Variants in FRMPD4 observed in about 807,000 individuals in gnomAD.
FRMPD4 encodes the protein FERM and PDZ domain-containing protein 4.
In FRMPD4, 22 loss-of-function variants were observed where a neutral mutation model predicts 94.1. That is an observed-to-expected ratio of 0.23 (90% confidence interval 0.17 to 0.33). The LOEUF is 0.33. FRMPD4 is among the 10% of genes least tolerant of loss of function. FRMPD4 has a pLI of 1.00. For missense variants in FRMPD4, 1,111 were observed against 1,339.9 expected, an observed-to-expected ratio of 0.83 and a Z score of 2.67; for synonymous variants, 631 against 548.6, an observed-to-expected ratio of 1.15 and a Z score of -2.10.
chrX:12,383,514 C>G (rs1420209777), intron 1 of FRMPD4, among the ~76,000 whole-genome samples: 1 of 111,286 alleles, frequency 9.0e-6, no homozygotes, highest in East Asian at 2.8e-4. Context: ...AAAATAAAAC[C>G]CTAATCACAT....
intron 1 of FRMPD4, among the ~76,000 whole-genome samples, chrX:12,446,915 T>C (rs1370551622): frequency 9.0e-6 from 1 of 110,968 alleles, no homozygotes; most frequent in Non-Finnish European, 1.9e-5. Flanking sequence ...TGGCGTTTGG[T>C]GGTTGGGGGA....
intron 3 of FRMPD4, among the ~76,000 whole-genome samples, chrX:11,926,995 A>T (rs2054092656): frequency 9.0e-6 from 1 of 111,443 alleles, no homozygotes; most frequent in African/African-American, 3.3e-5. Context: ...TATATCTAGA[A>T]AACCCCATAG....
chrX:11,935,264 A>AT lies in FRMPD4; in HGVS notation c.95+57246_95+57247insT, dbSNP rs2054150300. 6.9e-4 allele frequency among the ~76,000 whole-genome samples: 5 copies of AT among 7,218 alleles called. 1 individual carries two copies. The highest frequency in any genetic ancestry group is 3.0e-3 in the African/African-American group (5 of 1,655). The allele number at this position is 7,218 out of a possible 115,157, so 6.3% of individuals were successfully genotyped here. ...TTGTTTTGTTGTTTTTTTTTTTTTT[A>AT]ATGTGTTTTTTTTTTTTTTTTTTTT... On this transcript the variant is annotated intron_variant, in intron 3 of 18. Transcript: ENST00000640291.
chrX:12,389,613 C>T (rs751524341), intron 1 of FRMPD4, among the ~76,000 whole-genome samples: 16 of 111,334 alleles, frequency 1.4e-4, no homozygotes, highest in African/African-American at 2.6e-4. Context: ...AAATATAACA[C>T]GTTATATCCC....
chrX:11,849,679 T>G (rs1242261559), intron 1 of FRMPD4, among the ~76,000 whole-genome samples: 47 of 67,655 alleles, frequency 6.9e-4, no homozygotes, highest in African/African-American at 3.1e-3. Flanking sequence ...AAAGGACAGG[T>G]TTTTTTTTTT....
At chrX:12,283,485 G>A (rs1184536356) in intron 1 of FRMPD4, among the ~76,000 whole-genome samples, 1 of 112,129 alleles carries the variant, frequency 8.9e-6, no homozygotes, top group Non-Finnish European at 1.9e-5. Context: ...CTAAATTGGT[G>A]CACTCTTAAT....
At chrX:12,340,590 C>T (rs1043447502) in intron 1 of FRMPD4, among the ~76,000 whole-genome samples, 5 of 111,602 alleles carry the variant, frequency 4.5e-5, no homozygotes, top group African/African-American at 1.6e-4. Flanking sequence ...TTTGTGAGGT[C>T]GGCCACTGTC....
intron 2 of FRMPD4, among the ~76,000 whole-genome samples, chrX:12,546,604 A>C (rs2058479425): frequency 8.9e-6 from 1 of 112,063 alleles, no homozygotes; most frequent in South Asian, 3.7e-4. Flanking sequence ...CTCTTCTATA[A>C]TGTTAAAAAT....
intron 1 of FRMPD4, among the ~76,000 whole-genome samples, chrX:12,212,492 G>C (rs1338708435): frequency 9.0e-6 from 1 of 111,378 alleles, no homozygotes; most frequent in Non-Finnish European, 1.9e-5. Flanking sequence ...AAGCTAGAAG[G>C]AGACTGGGCT....
At chrX:12,074,307 G>A (rs1440632125) in intron 3 of FRMPD4, among the ~76,000 whole-genome samples, 1 of 111,225 alleles carries the variant, frequency 9.0e-6, no homozygotes, top group Non-Finnish European at 1.9e-5. Context: ...TCTCAGGCAA[G>A]CCCGTCTTCT....
chrX:12,226,130 T>C (rs1177083931), intron 1 of FRMPD4, among the ~76,000 whole-genome samples: 1 of 111,745 alleles, frequency 8.9e-6, no homozygotes, highest in Non-Finnish European at 1.9e-5. Context: ...TTGAAGACAG[T>C]GTCTCATTCT....
At chrX:12,639,500 G>A (rs1253261551) in intron 4 of FRMPD4, among the ~76,000 whole-genome samples, 4 of 111,822 alleles carry the variant, frequency 3.6e-5, no homozygotes, top group Non-Finnish European at 5.6e-5. Flanking sequence ...TTTTCCCCTT[G>A]AAAGTGAATA....
At chrX:11,933,054 G>A (rs1277776421) in intron 3 of FRMPD4, among the ~76,000 whole-genome samples, 1 of 111,573 alleles carries the variant, frequency 9.0e-6, no homozygotes, top group Non-Finnish European at 1.9e-5. Context: ...GTTTAAGACC[G>A]AGTCCCCAAA....
At chrX:12,506,535 C>A (rs1388090552) in intron 2 of FRMPD4, among the ~76,000 whole-genome samples, 2 of 112,015 alleles carry the variant, frequency 1.8e-5, no homozygotes, top group Non-Finnish European at 3.8e-5. Context: ...GATCTGCCTG[C>A]CTCAGCCTCC....
intron 1 of FRMPD4, among the ~76,000 whole-genome samples, chrX:12,168,779 C>T (rs996075045): frequency 4.6e-5 from 5 of 109,332 alleles, no homozygotes; most frequent in South Asian, 8.1e-4. Flanking sequence ...GCGCCCACCA[C>T]CACGCCTGGC....
At chrX:12,539,638 C>CTT (rs375897141) in intron 2 of FRMPD4, among the ~76,000 whole-genome samples, 1 of 104,008 alleles carries the variant, frequency 9.6e-6, no homozygotes. Context: ...TAATATTCAG[C>CTT]TTTTTTTTTT....
chrX:12,256,799 A>C (rs147288976), intron 1 of FRMPD4, among the ~76,000 whole-genome samples: 1,137 of 111,900 alleles, frequency 0.01, 10 homozygotes, highest in African/African-American at 0.034. Flanking sequence ...CTTTAGTTAA[A>C]TATCTCTGGA....
rs1441118948 is a variant in FRMPD4, at chrX:11,968,070, C to T, written c.95+90052C>T. On this transcript the variant is annotated intron_variant, in intron 3 of 18. Transcript: ENST00000640291. ...AGTAACAGCATCTGTGATTTGGAGG[C>T]GGGGGCAGTAGGCTATTTTCCCAGT... is the stretch of plus-strand genomic sequence containing the variant. Among the ~76,000 whole-genome samples, 14 of 110,420 alleles carry T rather than the reference C, an allele frequency of 1.3e-4. No homozygotes were observed. The East Asian group carries it at 2.0e-3, about 16-fold the overall frequency.
At chrX:12,454,490 G>A (rs996045270) in intron 1 of FRMPD4, among the ~76,000 whole-genome samples, 3 of 110,410 alleles carry the variant, frequency 2.7e-5, no homozygotes, top group African/African-American at 9.9e-5. Flanking sequence ...CCACGTGATC[G>A]TGGACTGCCG....
Sources: gnomAD v4.1 joint callset for allele counts (sites outside exome capture counted in the v4.1 genomes callset) on GRCh38, gnomAD v4.1.1 for gene constraint, MANE v1.5 for transcripts, NCBI Gene and HGNC (gene_info 2026-07-23, HGNC 2026-07-21) for gene names.